TRIO: variants seen among roughly 807,000 people sequenced by gnomAD.
TRIO encodes the protein triple functional domain protein.
Under a neutral mutation model 351.9 loss-of-function variants are expected in TRIO, and 58 were observed. The ratio of observed to expected loss-of-function variants is 0.16; its 90% confidence interval spans 0.13 to 0.21. The LOEUF is 0.21. TRIO is among the 10% of genes least tolerant of loss of function. TRIO has a pLI of 1.00. For synonymous variants in TRIO, 1,758 were observed against 1,595.7 expected, an observed-to-expected ratio of 1.10 and a Z score of -2.42; for missense variants, 3,201 against 4,027.8, an observed-to-expected ratio of 0.79 and a Z score of 5.56.
chr5:14,262,475 G>A (rs1795408208), intron 1 of TRIO, among the ~76,000 whole-genome samples: 1 of 152,170 alleles, frequency 6.6e-6, no homozygotes, highest in Non-Finnish European at 1.5e-5. Flanking sequence ...ATGAGGGACT[G>A]TAGTTGCGGG....
intron 34 of TRIO, among the ~76,000 whole-genome samples, chr5:14,455,927 G>A (rs957324350): frequency 1.3e-5 from 2 of 152,188 alleles, no homozygotes; most frequent in African/African-American, 4.8e-5. Flanking sequence ...GATGGGACCG[G>A]GCGCTGCGGA....
At chr5:14,179,851 GGAGGCTGAGGTGGGTGGATCACCT>G (rs1789643897) in intron 1 of TRIO, among the ~76,000 whole-genome samples, 1 of 152,028 alleles carries the variant, frequency 6.6e-6, no homozygotes, top group Non-Finnish European at 1.5e-5. Context: ...CGGCACTCTG[GGAGGCTGAGGTGGGTGGATCACCT>G]GAGGTTGGGA....
rs758782853 is a variant in TRIO, at chr5:14,270,832, A to G, written c.165A>G (p.Arg55=). The change falls in exon 2 of 57, where the codon CGA becomes CGG. Residue 55 remains arginine (R), a synonymous_variant. Coordinates refer to ENST00000344204, the MANE Select transcript of TRIO (RefSeq NM_007118.4). ...TCTCCTTCTGTATTTCAGGGTTTCGAAAAAACGATGAAATGAAAGCTATGG... is the reference window on the plus strand; with the variant it reads ...TCTCCTTCTGTATTTCAGGGTTTCGGAAAAACGATGAAATGAAAGCTATGG... ...DIAAFFRSGF[R]KNDEMKAMDV... 1.2e-6 allele frequency: 2 copies of G among 1,613,774 alleles called. No homozygotes were observed. The highest frequency in any genetic ancestry group is 1.7e-6 in the Non-Finnish European group (2 of 1,179,766).
intron 1 of TRIO, among the ~76,000 whole-genome samples, chr5:14,185,732 C>G (rs960502040): frequency 6.6e-6 from 1 of 152,202 alleles, no homozygotes; most frequent in Non-Finnish European, 1.5e-5. Flanking sequence ...GCTTGCCCCT[C>G]TTACAGACGG....
intron 47 of TRIO, among the ~76,000 whole-genome samples, 196 bp from the exon 48 acceptor site, chr5:14,487,268 C>G (rs1429221732): frequency 6.6e-6 from 1 of 152,104 alleles, no homozygotes; most frequent in Non-Finnish European, 1.5e-5. Context: ...CCCCTTCCAC[C>G]CGCTGCACTC....
At chr5:14,359,018 C>CT (rs1449097932) in intron 12 of TRIO, among the ~76,000 whole-genome samples, 1 of 152,210 alleles carries the variant, frequency 6.6e-6, no homozygotes, top group Non-Finnish European at 1.5e-5. Flanking sequence ...CAATATGACT[C>CT]TGTCATTTAT....
intron 41 of TRIO, 35 bp downstream of exon 41, chr5:14,476,998 A>AC (rs1755129861): frequency 7.0e-6 from 11 of 1,574,712 alleles, no homozygotes; most frequent in Non-Finnish European, 9.6e-6. Context: ...TCCTGTTCTG[A>AC]TGGTGTCATC....
At chr5:14,188,792 G>A (rs986935400) in intron 1 of TRIO, among the ~76,000 whole-genome samples, 6 of 152,088 alleles carry the variant, frequency 3.9e-5, no homozygotes, top group Admixed American at 2.6e-4. Flanking sequence ...TTTGTCCCGC[G>A]CATTGAATTC....
Position 14,157,251 on chromosome 5 carries a change from A to G in TRIO, c.157+13369A>G, listed in dbSNP as rs996924509. Among the ~76,000 whole-genome samples the G allele has an allele frequency of 1.4e-4, 21 of 152,318 alleles. No individual in the cohort carries two copies. The East Asian group carries it at 2.5e-3, about 18-fold the overall frequency. On this transcript the variant is annotated intron_variant, in intron 1 of 56. Transcript: ENST00000344204. Reference sequence around the variant, plus strand: ...AAACCACCTGCAGTAAATTCAAAGCAGCTATGTTTCTGCCTCAGTGCGGGA... The same window carrying G: ...AAACCACCTGCAGTAAATTCAAAGCGGCTATGTTTCTGCCTCAGTGCGGGA...
Position 14,487,590 on chromosome 5 carries a change from G to A in TRIO, c.6962G>A (p.Ser2321Asn). 1 of 1,154,432 alleles carries A rather than the reference G, an allele frequency of 8.7e-7. No individual in the cohort carries two copies. The highest frequency in any genetic ancestry group is 1.1e-6 in the Non-Finnish European group (1 of 930,178). 71.5% of individuals were successfully genotyped at this position (1,154,432 alleles called of 1,614,324 possible). A position where few individuals can be genotyped will look rare whatever the true frequency, so the allele number is the denominator to read the frequency against. ...GGAPSGGSGH[S>N]GGPSSCGGAP... is the part of the protein sequence containing the mutation. ...GCCCCCAGTGGCGGCAGCGGCCACAGTGGCGGCCCCAGCAGCTGCGGCGGC... is the reference window on the plus strand; with the variant it reads ...GCCCCCAGTGGCGGCAGCGGCCACAATGGCGGCCCCAGCAGCTGCGGCGGC... Residue 2321 changes from serine (S) to asparagine (N), a missense_variant, in exon 48 of 57, where the codon AGT becomes AAT. Ser to Asn is a conservative substitution (Grantham distance 46). Around this residue, in one of 19 missense-constraint regions of TRIO, gnomAD observed 1,089 missense variants for 954.9 expected, o/e 1.14. Coordinates refer to ENST00000344204, the MANE Select transcript of TRIO (RefSeq NM_007118.4).
chr5:14,390,735 G>A (rs1747006871), intron 26 of TRIO, among the ~76,000 whole-genome samples, 166 bp from the exon 27 acceptor site: 1 of 152,226 alleles, frequency 6.6e-6, no homozygotes, highest in Non-Finnish European at 1.5e-5. Flanking sequence ...GCTGCATGCT[G>A]TCAGAACGAT....
chr5:14,234,573 C>G (rs1463273402), intron 1 of TRIO, among the ~76,000 whole-genome samples: 1 of 152,078 alleles, frequency 6.6e-6, no homozygotes, highest in Admixed American at 6.5e-5. Flanking sequence ...TCTGTACTTA[C>G]AGAAGCAATA....
At chr5:14,476,244 C>T (rs1308538239) in intron 40 of TRIO, among the ~76,000 whole-genome samples, 1 of 152,204 alleles carries the variant, frequency 6.6e-6, no homozygotes, top group Non-Finnish European at 1.5e-5. Flanking sequence ...TTTGAAACAT[C>T]TATTTTTCAC....
At position 14,488,044 on chromosome 5, in the gene TRIO, C is replaced by T. The variant is rs777943419; in HGVS notation, c.7416C>T (p.Pro2472=). The part of the protein sequence containing the change: ...SSAVPSLGKE[P]FPPSSPLQKG... ...CGGTCCCTTCTCTCGGCAAGGAGCC[C>T]TTCCCCCCCAGCAGCCCCCTGCAGA... is the stretch of plus-strand genomic sequence containing the variant. The change falls in exon 48 of 57, where the codon CCC becomes CCT. Residue 2472 remains proline, a synonymous_variant. Transcript: ENST00000344204. 14 of 1,608,062 alleles carry T rather than the reference C, an allele frequency of 8.7e-6. No individual in the cohort carries two copies. Among genetic ancestry groups the T allele is most frequent in the East Asian group, 2.2e-5 (1 of 44,648 alleles).
At chr5:14,342,877 T>C (rs887048733) in intron 11 of TRIO, among the ~76,000 whole-genome samples, 46 of 152,184 alleles carry the variant, frequency 3.0e-4, no homozygotes, top group African/African-American at 1.1e-3. Context: ...ATTCACAGGC[T>C]GAACCGTTGT....
intron 8 of TRIO, among the ~76,000 whole-genome samples, chr5:14,315,067 G>T (rs556944491): frequency 6.6e-6 from 1 of 152,292 alleles, no homozygotes; most frequent in African/African-American, 2.4e-5. Context: ...CACAACTGCA[G>T]TTAGAAGAGG....
At chr5:14,270,119 C>T (rs1189829769) in intron 1 of TRIO, among the ~76,000 whole-genome samples, 1 of 152,218 alleles carries the variant, frequency 6.6e-6, no homozygotes, top group Non-Finnish European at 1.5e-5. Flanking sequence ...CCTAAATTGC[C>T]TATTGCATGC....
intron 46 of TRIO, 58 bp downstream of exon 46, chr5:14,482,831 A>T (rs1755633040): frequency 1.4e-6 from 2 of 1,382,784 alleles, no homozygotes; most frequent in Non-Finnish European, 1.9e-6. Context: ...TCACACCGAT[A>T]CACTGTTTCC....
chr5:14,144,810 C>T (rs1787397905), intron 1 of TRIO, among the ~76,000 whole-genome samples: 2 of 151,844 alleles, frequency 1.3e-5, no homozygotes, highest in Admixed American at 1.3e-4. Flanking sequence ...CGGCCCAGAT[C>T]CCGCGCGAGC....
Sources: gnomAD v4.1 joint callset for allele counts (sites outside exome capture counted in the v4.1 genomes callset) on GRCh38, gnomAD v4.1.1 for gene constraint, gnomAD v4.1.1 regional missense constraint, MANE v1.5 for transcripts, NCBI Gene and HGNC (gene_info 2026-07-23, HGNC 2026-07-21) for gene names.